The following SLC12A7 variants were observed in gnomAD, a reference collection of about 807,000 sequenced individuals.
SLC12A7 encodes K-Cl cotransporter 4.
A neutral mutation model predicts 120.6 loss-of-function variants in SLC12A7; 100 were observed. The observed-to-expected ratio is 0.83, with a 90% confidence interval of 0.71 to 0.98. The LOEUF is 0.98. Among genes scored for constraint, SLC12A7 ranks in the 50% least tolerant of loss-of-function variants. The probability of loss-of-function intolerance (pLI) is 0.00; values close to 1 mark genes in which losing one functional copy is unlikely to be tolerated. For synonymous variants in SLC12A7, 760 were observed against 678.0 expected, an observed-to-expected ratio of 1.12 and a Z score of -1.88; for missense variants, 1,373 against 1,548.1, an observed-to-expected ratio of 0.89 and a Z score of 1.90.
Position 1,075,422 on chromosome 5 carries a change from A to G in SLC12A7, c.1916T>C (p.Leu639Pro). 3 of 1,612,570 alleles carry G rather than the reference A, an allele frequency of 1.9e-6. No individual in the cohort carries two copies. The highest frequency in any genetic ancestry group is 2.5e-6 in the Non-Finnish European group (3 of 1,179,652). ...GCAGCCAGCGATGAGCATGGCGGAC[A>G]GCGCGTAGTACCAGGAGCAGATGAA... Reference protein sequence around the residue: ...LMFICSWYYALSAMLIAGCIY... With the variant: ...LMFICSWYYAPSAMLIAGCIY... The change falls in exon 15 of 24, where the codon CTG becomes CCG. Residue 639 changes from leucine to proline, a missense_variant. Coordinates refer to ENST00000264930, the MANE Select transcript of SLC12A7 (RefSeq NM_006598.3).
At chr5:1,077,027 G>T (rs1411291431) in intron 12 of SLC12A7, among the ~76,000 whole-genome samples, 3 of 151,696 alleles carry the variant, frequency 2.0e-5, no homozygotes, top group Non-Finnish European at 2.9e-5. Context: ...GCCTACGCCC[G>T]GCTTGCCTGC....
At chr5:1,118,853 A>C in the SLC12A7 span, among the ~76,000 whole-genome samples, 18 of 152,138 alleles carry the variant, frequency 1.2e-4, no homozygotes, top group African/African-American at 4.1e-4. Flanking sequence ...AGGCTGTGGG[A>C]GGTGTGGGCG....
chr5:1,154,689 G>A, the SLC12A7 span, among the ~76,000 whole-genome samples: 11 of 152,338 alleles, frequency 7.2e-5, no homozygotes, highest in African/African-American at 2.6e-4. Flanking sequence ...TCACATGTGT[G>A]ACATACATGA....
the SLC12A7 span, among the ~76,000 whole-genome samples, chr5:1,146,600 C>T: frequency 3.3e-5 from 5 of 152,090 alleles, no homozygotes; most frequent in Non-Finnish European, 5.9e-5. This position sits in a 1 kb window ranked among gnomAD's most constrained non-coding sequence, Gnocchi z 6.5. Context: ...TGCCTCATGC[C>T]GCCCTCCTCC....
At chr5:1,074,237 G>A (rs1358088987) in intron 16 of SLC12A7, among the ~76,000 whole-genome samples, 1 of 151,534 alleles carries the variant, frequency 6.6e-6, no homozygotes, top group Non-Finnish European at 1.5e-5. Context: ...CAATGGCCCG[G>A]GGCACACACC....
intron 17 of SLC12A7, among the ~76,000 whole-genome samples, chr5:1,069,814 T>G (rs1348022213): frequency 6.6e-6 from 1 of 152,110 alleles, no homozygotes; most frequent in Non-Finnish European, 1.5e-5. Flanking sequence ...ATAAGAAGTT[T>G]GAAAATCAGA....
upstream of SLC12A7, among the ~76,000 whole-genome samples, chr5:1,116,284 C>G (rs1743318100): frequency 6.6e-6 from 1 of 152,332 alleles, no homozygotes; most frequent in African/African-American, 2.4e-5. Context: ...CCGCCCCGAT[C>G]CCTGGCTTGC....
the SLC12A7 span, among the ~76,000 whole-genome samples, chr5:1,151,297 A>G: frequency 7.2e-5 from 11 of 152,254 alleles, no homozygotes; most frequent in South Asian, 2.3e-3. The surrounding 1 kb of genome is among the most constrained non-coding windows in gnomAD (Gnocchi z 6.2). Flanking sequence ...GCAGACATCC[A>G]CTCACACACA....
At chr5:1,123,127 G>A in the SLC12A7 span, among the ~76,000 whole-genome samples, 21 of 152,334 alleles carry the variant, frequency 1.4e-4, no homozygotes, top group South Asian at 4.1e-4. Context: ...GGGCACGCTC[G>A]GGCTCCCGGC....
intron 17 of SLC12A7, among the ~76,000 whole-genome samples, chr5:1,069,891 A>G (rs1279179540): frequency 6.6e-6 from 1 of 152,110 alleles, no homozygotes; most frequent in East Asian, 1.9e-4. Flanking sequence ...CAGGGCTCAG[A>G]GCTGGCACCA....
intron 17 of SLC12A7, among the ~76,000 whole-genome samples, chr5:1,067,282 A>C (rs1275107797): frequency 6.6e-6 from 1 of 152,212 alleles, no homozygotes; most frequent in Non-Finnish European, 1.5e-5. Flanking sequence ...AAGCGGAGGC[A>C]GGGGCCCCAG....
chr5:1,148,211 T>TC, the SLC12A7 span, among the ~76,000 whole-genome samples: 3 of 141,410 alleles, frequency 2.1e-5, no homozygotes, highest in Non-Finnish European at 3.1e-5. Flanking sequence ...CTTTCTTTTT[T>TC]TTTTTTTTTT....
rs367953908 is a variant in SLC12A7 at position 1,100,024 on chromosome 5, T to C, written c.125-5776A>G. Reference sequence around the variant, plus strand: ...AAGGAGGCTACTTCAGCCAGTAGCATCCAGGGCGAGAAGAAGAAGGCATGG... The same window carrying C: ...AAGGAGGCTACTTCAGCCAGTAGCACCCAGGGCGAGAAGAAGAAGGCATGG... On this transcript the variant is annotated intron_variant, in intron 1 of 23. Transcript: ENST00000264930. Among the ~76,000 whole-genome samples, 19 of 152,204 alleles carry C rather than the reference T, an allele frequency of 1.2e-4. No individual in the cohort carries two copies. In the East Asian group the frequency reaches 2.7e-3, roughly 22 times the overall value.
At chr5:1,146,882 A>AATGT in the SLC12A7 span, among the ~76,000 whole-genome samples, 2 of 152,070 alleles carry the variant, frequency 1.3e-5, no homozygotes, top group Non-Finnish European at 2.9e-5. The surrounding 1 kb of genome is among the most constrained non-coding windows in gnomAD (Gnocchi z 6.5). Flanking sequence ...GGACCTGACC[A>AATGT]ATGTATATCT....
chr5:1,122,343 GCTGCC>G, the SLC12A7 span, among the ~76,000 whole-genome samples: 1 of 152,070 alleles, frequency 6.6e-6, no homozygotes, highest in Admixed American at 6.5e-5. Flanking sequence ...GAAAATTCTG[GCTGCC>G]CAGCACAGCC....
rs770720596 is a variant in SLC12A7 at position 1,065,386 on chromosome 5, G to C, written c.2334C>G (p.Ile778Met). 2.5e-6 allele frequency: 4 copies of C among 1,612,622 alleles called. No individual in the cohort carries two copies. Among genetic ancestry groups the C allele is most frequent in the Non-Finnish European group, 2.5e-6 (3 of 1,179,718 alleles). Residue 778 changes from isoleucine (I) to methionine (M), a missense_variant, in exon 18 of 24, where the codon ATC (isoleucine) becomes ATG (methionine). Ile to Met is a conservative substitution (Grantham distance 10, BLOSUM62 1). Transcript: ENST00000264930. The stretch of plus-strand genomic sequence containing the variant: ...TCAGGCCGCCCAGGCCGGCCGACTG[G>C]ATCAGGTGGGACATGCCATCCCGCA... ...SSLRDGMSHL[I>M]QSAGLGGLKH...
the SLC12A7 span, among the ~76,000 whole-genome samples, chr5:1,149,242 C>T: frequency 6.6e-6 from 1 of 151,522 alleles, no homozygotes; most frequent in Non-Finnish European, 1.5e-5. Flanking sequence ...CAAGGGTCCC[C>T]ACTTGTAACA....
Position 1,103,966 on chromosome 5 carries a change from C to T in SLC12A7, c.124+7902G>A, listed in dbSNP as rs1297804408. Among the ~76,000 whole-genome samples, 3 of 152,234 alleles carry T rather than the reference C, an allele frequency of 2.0e-5. No homozygotes were observed. In the East Asian group the frequency reaches 5.8e-4, roughly 29 times the overall value. Reference sequence around the variant, plus strand: ...AGAGACTCGGGGCCCAGGCAGCCTGCAGGAGCAGAGATGAAGGAAGGCGGG... The same window carrying T: ...AGAGACTCGGGGCCCAGGCAGCCTGTAGGAGCAGAGATGAAGGAAGGCGGG... On this transcript the variant is annotated intron_variant, in intron 1 of 23. Coordinates refer to ENST00000264930, the MANE Select transcript of SLC12A7 (RefSeq NM_006598.3).
At chr5:1,078,812 G>T in intron 10 of SLC12A7, 54 bp from the exon 11 acceptor site, 3 of 726,678 alleles carry the variant, frequency 4.1e-6, no homozygotes, top group East Asian at 5.4e-5. Flanking sequence ...CCTCAGGTAC[G>T]GGGGGTGGGG....
Sources: allele counts gnomAD v4.1 joint callset (sites outside exome capture counted in the v4.1 genomes callset), GRCh38; gene constraint gnomAD v4.1.1; non-coding constraint Gnocchi (gnomAD v3.1); transcripts MANE v1.5; gene names NCBI Gene and HGNC (gene_info 2026-07-23, HGNC 2026-07-21).